The following MTMR4 variants were observed in gnomAD, a reference collection of about 807,000 sequenced individuals.
The protein encoded by MTMR4 is myotubularin related protein 4.
Under a neutral mutation model 125.5 loss-of-function variants are expected in MTMR4, and 30 were observed. The ratio of observed to expected loss-of-function variants is 0.24; its 90% CI spans 0.18 to 0.32. The LOEUF (loss-of-function observed/expected upper bound fraction) is 0.32, where lower values mean the gene tolerates loss of function less well. Ranked by LOEUF, MTMR4 falls within the 10% of genes least tolerant of loss-of-function variation. The pLI is 1.00. For synonymous variants in MTMR4, 498 were observed against 564.5 expected, an observed-to-expected ratio of 0.88 and a Z score of 1.67; for missense variants, 1,039 against 1,511.5, an observed-to-expected ratio of 0.69 and a Z score of 5.18.
At chr17:58,502,240 T>C (rs1173232149) in intron 14 of MTMR4, among the ~76,000 whole-genome samples, 1 of 149,370 alleles carries the variant, frequency 6.7e-6, no homozygotes, top group Non-Finnish European at 1.5e-5. Context: ...TACTGCAATC[T>C]CCACCCCCCC....
rs767833249 is a variant in MTMR4, at chr17:58,512,443, T to G, written c.199A>C (p.Ile67Leu). The G allele has an allele frequency of 1.6e-5, 26 of 1,614,166 alleles. No individual in the cohort carries two copies. The South Asian group carries it at 2.3e-4, about 14-fold the overall frequency. Residue 67 changes from isoleucine to leucine, a missense_variant, in exon 3 of 18, where the codon ATT (isoleucine) becomes CTT (leucine). Physicochemically the swap from Ile to Leu is conservative, Grantham distance 5. Coordinates refer to ENST00000682306, the MANE Select transcript of MTMR4 (RefSeq NM_001378067.1). This position sits in a 1 kb window ranked among gnomAD's most constrained non-coding sequence, Gnocchi z 4.1. Reference sequence around the variant, plus strand: ...TGCAGCCGGTAGTTAGAGATGGCAATGAGGGCATCGGCTGCCCGGCCCAGG... The same window carrying G: ...TGCAGCCGGTAGTTAGAGATGGCAAGGAGGGCATCGGCTGCCCGGCCCAGG... ...EFLGRAADALIAISNYRLHIK... is the reference protein window; with the variant it reads ...EFLGRAADALLAISNYRLHIK...
In MTMR4 at chr17:58,507,308, T is replaced by C. The variant is rs943877364; in HGVS notation, c.719A>G (p.Asn240Ser). 5.6e-6 allele frequency: 9 copies of C among 1,612,942 alleles called. No individual in the cohort carries two copies. Among genetic ancestry groups the C allele is most frequent in the Non-Finnish European group, 5.1e-6 (6 of 1,179,936 alleles). Residue 240 changes from asparagine to serine, a missense_variant, in exon 8 of 18, where the codon AAT (asparagine) becomes AGT (serine). Coordinates refer to ENST00000682306, the MANE Select transcript of MTMR4 (RefSeq NM_001378067.1). Reference sequence around the variant, plus strand: ...GCTGCAGCGGGCGATGGCAGCCCCATTGCGCAAGTGTCTGACAAAACAGAA... The same window carrying C: ...GCTGCAGCGGGCGATGGCAGCCCCACTGCGCAAGTGTCTGACAAAACAGAA... ...IPVVVYRHLR[N>S]GAAIARCSQP...
At chr17:58,509,232 A>C (rs530004605) in intron 4 of MTMR4, among the ~76,000 whole-genome samples, 2 of 151,114 alleles carry the variant, frequency 1.3e-5, no homozygotes, top group East Asian at 3.9e-4. Flanking sequence ...TTCTGCTCAC[A>C]TCCTTCCCAT....
In MTMR4 at chr17:58,506,830, C is replaced by G. The variant is rs1006695348; in HGVS notation, c.946G>C (p.Ala316Pro). ...TACSGVESTA[A>P]PQKLLILDAR... Reference sequence around the variant, plus strand: ...TCCAGGATCAGCAGCTTTTGAGGAGCTGCTGTGCTCTCCACTCCAGAGCAC... The same window carrying G: ...TCCAGGATCAGCAGCTTTTGAGGAGGTGCTGTGCTCTCCACTCCAGAGCAC... The change falls in exon 9 of 18, where the codon GCT (alanine) becomes CCT (proline). Residue 316 changes from alanine (A) to proline (P), a missense_variant. Physicochemically the swap from Ala to Pro is conservative, Grantham distance 27. This residue lies in a region of MTMR4 where 49 missense variants were observed against 68.4 expected (regional missense o/e 0.72). Coordinates refer to ENST00000682306, the MANE Select transcript of MTMR4 (RefSeq NM_001378067.1). The G allele has an allele frequency of 6.2e-7, 1 of 1,613,490 alleles. No homozygotes were observed. The highest frequency in any genetic ancestry group is 1.3e-5 in the African/African-American group (1 of 74,908).
upstream of MTMR4, among the ~76,000 whole-genome samples, chr17:58,518,405 G>T (rs1831469062): frequency 6.6e-6 from 1 of 152,212 alleles, no homozygotes. Flanking sequence ...CAGAATAGGA[G>T]AAAAACCTGC....
Position 58,495,499 on chromosome 17 carries a change from C to T in MTMR4, c.2685G>A (p.Gly895=), listed in dbSNP as rs760107926. The T allele has an allele frequency of 1.2e-6, 2 of 1,614,250 alleles. No homozygotes were observed. Among genetic ancestry groups the T allele is most frequent in the Non-Finnish European group, 1.7e-6 (2 of 1,180,052 alleles). Residue 895 remains glycine (G), a synonymous_variant, in exon 15 of 18, where the codon GGG becomes GGA. Transcript: ENST00000682306. ...NGQLLENPRF[G]KMPLELVRKP... is the part of the protein sequence containing the mutation. The stretch of plus-strand genomic sequence containing the variant: ...TCCGGACCAATTCCAATGGCATTTT[C>T]CCAAAGCGAGGATTTTCCAATAACT...
chr17:58,508,434 G>T lies in MTMR4; in HGVS notation c.593+34C>A. 1 of 1,603,386 alleles carries T rather than the reference G, an allele frequency of 6.2e-7. No homozygotes were observed. The highest frequency in any genetic ancestry group is 8.5e-7 in the Non-Finnish European group (1 of 1,170,184). On this transcript the variant is annotated intron_variant, in intron 6 of 17. Transcript: ENST00000682306. This position sits in a 1 kb window ranked among gnomAD's most constrained non-coding sequence, Gnocchi z 4.8. ...TTTATCCAAACACGGAAGTAGTTTGGTGTGGAAGGTGTTTTGGTCCCCAAC... is the reference window on the plus strand; with the variant it reads ...TTTATCCAAACACGGAAGTAGTTTGTTGTGGAAGGTGTTTTGGTCCCCAAC...
At chr17:58,518,955 A>G (rs1026525654), upstream of MTMR4, among the ~76,000 whole-genome samples, 1 of 152,218 alleles carries the variant, frequency 6.6e-6, no homozygotes, top group Non-Finnish European at 1.5e-5. Flanking sequence ...GAAGACAGGA[A>G]CTTTGCACTA....
chr17:58,514,349 G>C lies in MTMR4; in HGVS notation c.45+14C>G. On this transcript the variant is annotated intron_variant, in intron 1 of 17. Coordinates refer to ENST00000682306, the MANE Select transcript of MTMR4 (RefSeq NM_001378067.1). ...GGTGCCTCCTAGGCCCCCAAAGGCAGGGTGGGCACTTACGAAGCAGCTAAG... is the reference window on the plus strand; with the variant it reads ...GGTGCCTCCTAGGCCCCCAAAGGCACGGTGGGCACTTACGAAGCAGCTAAG... 1 of 988,292 alleles carries C rather than the reference G, an allele frequency of 1.0e-6. No individual in the cohort carries two copies. The highest frequency in any genetic ancestry group is 1.2e-6 in the Non-Finnish European group (1 of 831,088). The allele number at this position is 988,292 out of a possible 1,614,324, so 61.2% of individuals were successfully genotyped here.
intron 14 of MTMR4, among the ~76,000 whole-genome samples, chr17:58,499,999 C>T (rs1330912853): frequency 6.6e-6 from 1 of 152,126 alleles, no homozygotes; most frequent in African/African-American, 2.4e-5. Context: ...GTGCCAGGTT[C>T]TAAGCCAGAT....
rs750261859 is a variant in MTMR4 at position 58,512,884 on chromosome 17, T to TG, written c.102dup (p.Lys35GlnfsTer20). The TG allele has an allele frequency of 2.5e-6, 4 of 1,612,714 alleles. No individual in the cohort carries two copies. Among genetic ancestry groups the TG allele is most frequent in the Non-Finnish European group, 1.7e-6 (2 of 1,179,420 alleles). On this transcript the variant is annotated frameshift_variant, in exon 2 of 18. Transcript: ENST00000682306. LOFTEE classifies it high-confidence loss of function. This position sits in a 1 kb window ranked among gnomAD's most constrained non-coding sequence, Gnocchi z 4.1. ...TTCTCTTCCTCCTTCACTAGTTCCT[T>TG]GGGGGGGAACAGATCCTTGGCTTGG... is the stretch of plus-strand genomic sequence containing the variant.
At chr17:58,516,681 A>G (rs528244424), upstream of MTMR4, 19 of 1,387,984 alleles carry the variant, frequency 1.4e-5, no homozygotes, top group Middle Eastern at 1.8e-4. Flanking sequence ...AGAATCAACA[A>G]ATGACACACA....
chr17:58,506,583 AC>A (rs1473398326), intron 9 of MTMR4, among the ~76,000 whole-genome samples, 159 bp downstream of exon 9: 1 of 152,234 alleles, frequency 6.6e-6, no homozygotes, highest in Admixed American at 6.5e-5. Flanking sequence ...AGATTAAGCA[AC>A]TTCAGCATAG....
chr17:58,495,117 A>G lies in MTMR4; in HGVS notation c.3067T>C (p.Leu1023=). Residue 1023 remains leucine (L), a synonymous_variant, in exon 15 of 18, where the codon TTG becomes CTG. Transcript: ENST00000682306. ...NCPSPVPPLY[L]DDDGLPFPTD... ...GGAAAGGGGAGTCCATCATCATCCA[A>G]ATACAGAGGAGGCACTGGAGAAGGG... is the stretch of plus-strand genomic sequence containing the variant. 1.9e-6 allele frequency: 3 copies of G among 1,614,176 alleles called. No individual in the cohort carries two copies. The highest frequency in any genetic ancestry group is 8.5e-7 in the Non-Finnish European group (1 of 1,180,034).
At chr17:58,506,077 TTAA>T (rs1396095920) in intron 9 of MTMR4, among the ~76,000 whole-genome samples, 3 of 152,186 alleles carry the variant, frequency 2.0e-5, no homozygotes, top group Non-Finnish European at 4.4e-5. Context: ...GTGCCATATA[TTAA>T]TAATAGTAAC....
Position 58,507,016 on chromosome 17 carries a change from C to T in MTMR4, c.904+107G>A, listed in dbSNP as rs73321656. On this transcript the variant is annotated intron_variant, in intron 8 of 17. Coordinates refer to ENST00000682306, the MANE Select transcript of MTMR4 (RefSeq NM_001378067.1). ...TTCTGACAAGGCAGGGACCCCAGCACCCCGTGTGTTGTCATCTTCCCAGAC... is the reference window on the plus strand; with the variant it reads ...TTCTGACAAGGCAGGGACCCCAGCATCCCGTGTGTTGTCATCTTCCCAGAC... 1.7e-3 allele frequency: 2,637 copies of T among 1,559,310 alleles called. 38 individuals carry two copies. In the African/African-American group the frequency reaches 0.03, roughly 18 times the overall value.
In MTMR4 at chr17:58,514,439, C is replaced by T. The variant is rs919718724; in HGVS notation, c.-32G>A. 1.1e-5 allele frequency: 11 copies of T among 985,466 alleles called. No individual in the cohort carries two copies. Among genetic ancestry groups the T allele is most frequent in the Non-Finnish European group, 1.3e-5 (11 of 829,776 alleles). 61.0% of individuals were successfully genotyped at this position (985,466 alleles called of 1,614,324 possible). The stretch of plus-strand genomic sequence containing the variant: ...GGGCGGTCTGGGCCAGCGCACATGT[C>T]CCCGGAGCCGCTGCGCTGCCCGCCA... On this transcript the variant is annotated 5_prime_UTR_variant, in exon 1 of 18. Coordinates refer to ENST00000682306, the MANE Select transcript of MTMR4 (RefSeq NM_001378067.1).
At chr17:58,515,192 T>C (rs1976055393), upstream of MTMR4, 4 of 345,788 alleles carry the variant, frequency 1.2e-5, no homozygotes, top group South Asian at 1.2e-4. Context: ...AAAGCCCTTC[T>C]TGGAGGAGAA....
At chr17:58,498,937 T>C (rs1423285373) in intron 14 of MTMR4, among the ~76,000 whole-genome samples, 1 of 152,186 alleles carries the variant, frequency 6.6e-6, no homozygotes, top group African/African-American at 2.4e-5. Flanking sequence ...TCTACAGTGC[T>C]TCTGAATTTA....
Sources: gnomAD v4.1 joint callset for allele counts (sites outside exome capture counted in the v4.1 genomes callset) on GRCh38, gnomAD v4.1.1 for gene constraint, gnomAD v4.1.1 regional missense constraint, Gnocchi (gnomAD v3.1) non-coding constraint, MANE v1.5 for transcripts, NCBI Gene and HGNC (gene_info 2026-07-23, HGNC 2026-07-21) for gene names.